The following TENM3 variants were observed in gnomAD, a reference collection of about 807,000 sequenced individuals.
TENM3 encodes teneurin-3.
A neutral mutation model predicts 255.1 loss-of-function variants in TENM3; 63 were observed. That is an observed-to-expected ratio of 0.25 (90% CI 0.20 to 0.30). The LOEUF is 0.30. Ranked by LOEUF, TENM3 falls within the 10% of genes least tolerant of loss-of-function variation. TENM3 has a pLI of 1.00. For synonymous variants in TENM3, 1,306 were observed against 1,322.3 expected (o/e 0.99, Z 0.27); for missense variants, 2,929 against 3,461.1 (o/e 0.85, Z 3.86).
chr4:182,756,635 T>C (rs1265272849), intron 22 of TENM3, among the ~76,000 whole-genome samples: 1 of 152,164 alleles, frequency 6.6e-6, no homozygotes, highest in Non-Finnish European at 1.5e-5. Context: ...TAAAAGTCAG[T>C]AGAAAAAATG....
At chr4:182,208,507 T>G (rs1386061640) in intron 1 of TENM3, among the ~76,000 whole-genome samples, 1 of 152,190 alleles carries the variant, frequency 6.6e-6, no homozygotes, top group African/African-American at 2.4e-5. Flanking sequence ...GACAAAATTT[T>G]AATATAGTAG....
chr4:181,896,868 G>T, the TENM3 span, among the ~76,000 whole-genome samples: 1 of 152,280 alleles, frequency 6.6e-6, no homozygotes, highest in African/African-American at 2.4e-5. Flanking sequence ...CTGGTAGAAA[G>T]AATCTGCAGC....
rs75153145 is a variant in TENM3 at position 182,634,082 on chromosome 4, A to G, written c.988+5193A>G. ...GCTGCCGTGCTTCTCAGACCACAAT[A>G]TGAGTAGCACAGGTCTAGGAAATGC... On this transcript the variant is annotated intron_variant, in intron 5 of 27. Transcript: ENST00000511685. 8.3e-3 allele frequency among the ~76,000 whole-genome samples: 1,264 copies of G among 152,202 alleles called. 17 individuals are homozygous for G. Among genetic ancestry groups the G allele is most frequent in the African/African-American group, 0.029 (1,197 of 41,532 alleles).
chr4:181,585,889 A>G, the TENM3 span, among the ~76,000 whole-genome samples: 4 of 152,158 alleles, frequency 2.6e-5, no homozygotes, highest in Non-Finnish European at 5.9e-5. Flanking sequence ...GAGGTTTTCT[A>G]TGTCCAGTTT....
At chr4:181,835,881 AT>A in the TENM3 span, among the ~76,000 whole-genome samples, 1 of 151,508 alleles carries the variant, frequency 6.6e-6, no homozygotes, top group Non-Finnish European at 1.5e-5. Context: ...CAGTGGGAAC[AT>A]TTTTTTTTCT....
At chr4:181,872,231 A>G in the TENM3 span, among the ~76,000 whole-genome samples, 2 of 151,560 alleles carry the variant, frequency 1.3e-5, no homozygotes, top group South Asian at 2.1e-4. Flanking sequence ...CAATTTAAAT[A>G]TATGTGTGTA....
intron 3 of TENM3, among the ~76,000 whole-genome samples, chr4:182,476,100 G>A (rs761985222): frequency 7.9e-5 from 12 of 152,074 alleles, no homozygotes; most frequent in Non-Finnish European, 1.6e-4. Context: ...AGTCCCTGGT[G>A]GTGTTACTTG....
the TENM3 span, among the ~76,000 whole-genome samples, chr4:181,585,695 C>T: frequency 6.6e-6 from 1 of 152,076 alleles, no homozygotes; most frequent in African/African-American, 2.4e-5. Flanking sequence ...CAATCACATG[C>T]CTAAGATTCT....
At chr4:181,977,036 G>A in the TENM3 span, among the ~76,000 whole-genome samples, 2 of 152,174 alleles carry the variant, frequency 1.3e-5, no homozygotes, top group Non-Finnish European at 2.9e-5. Context: ...TTGCTTAGTT[G>A]AGCCAGCTCG....
intron 3 of TENM3, among the ~76,000 whole-genome samples, chr4:182,437,415 G>A (rs1006969790): frequency 6.6e-6 from 1 of 152,128 alleles, no homozygotes; most frequent in Non-Finnish European, 1.5e-5. Context: ...TTGGGAGGCA[G>A]AGGTGGGAGA....
chr4:182,378,745 A>G (rs1285636232), intron 3 of TENM3, among the ~76,000 whole-genome samples: 1 of 152,210 alleles, frequency 6.6e-6, no homozygotes, highest in Non-Finnish European at 1.5e-5. Flanking sequence ...AATTTTTAAA[A>G]GATTATTTTG....
At chr4:181,616,679 A>G in the TENM3 span, among the ~76,000 whole-genome samples, 1 of 152,156 alleles carries the variant, frequency 6.6e-6, no homozygotes, top group Admixed American at 6.5e-5. Context: ...CAAAGGCCTG[A>G]GAACCTGGGG....
chr4:182,751,799 G>A lies in TENM3; in HGVS notation c.3630-1G>A, dbSNP rs770777438. 3 of 1,612,312 alleles carry A rather than the reference G, an allele frequency of 1.9e-6. No homozygotes were observed. The highest frequency in any genetic ancestry group is 4.5e-5 in the East Asian group (2 of 44,862). On this transcript the variant is annotated splice_acceptor_variant, in intron 19 of 27. Coordinates refer to ENST00000511685, the MANE Select transcript of TENM3 (RefSeq NM_001080477.4). LOFTEE classifies it high-confidence loss of function. Reference sequence around the variant, plus strand: ...ATGTTTATCTATGATCCTTTTCACAGCAGCAACCCAGCTCATAGATACTAC... The same window carrying A: ...ATGTTTATCTATGATCCTTTTCACAACAGCAACCCAGCTCATAGATACTAC...
At chr4:182,273,705 T>A (rs1759803677) in intron 1 of TENM3, among the ~76,000 whole-genome samples, 1 of 152,212 alleles carries the variant, frequency 6.6e-6, no homozygotes, top group Admixed American at 6.5e-5. Flanking sequence ...GAGCTTGGCC[T>A]ACCCTATTCA....
chr4:181,992,959 T>C, the TENM3 span, among the ~76,000 whole-genome samples: 1 of 152,160 alleles, frequency 6.6e-6, no homozygotes, highest in East Asian at 1.9e-4. Flanking sequence ...AAATTAGTAC[T>C]ACTGTCAGAG....
chr4:181,456,910 G>A, the TENM3 span, among the ~76,000 whole-genome samples: 1 of 151,666 alleles, frequency 6.6e-6, no homozygotes, highest in African/African-American at 2.4e-5. Flanking sequence ...TAGACATTTG[G>A]AATAGAAAAT....
the TENM3 span, among the ~76,000 whole-genome samples, chr4:182,086,525 GGA>G: frequency 1.6e-4 from 24 of 152,270 alleles, no homozygotes; most frequent in Middle Eastern, 3.4e-3. Flanking sequence ...GAAGAGAAAT[GGA>G]GAGAGAGCTG....
chr4:181,765,284 C>T, the TENM3 span, among the ~76,000 whole-genome samples: 40,088 of 151,850 alleles, frequency 0.26, 5,977 homozygotes, highest in South Asian at 0.36. Flanking sequence ...GTAAAGTTGA[C>T]GTATGTATGA....
intron 13 of TENM3, 78 bp from the exon 14 acceptor site, chr4:182,728,884 AAAC>A (rs1760448089): frequency 2.6e-6 from 3 of 1,154,354 alleles, no homozygotes; most frequent in Non-Finnish European, 3.7e-6. Context: ...AAAAAAAAAA[AAAC>A]AGTCAAGAAA....
Sources: allele counts gnomAD v4.1 joint callset (sites outside exome capture counted in the v4.1 genomes callset), GRCh38; gene constraint gnomAD v4.1.1; transcripts MANE v1.5; gene names NCBI Gene and HGNC (gene_info 2026-07-23, HGNC 2026-07-21).